NAV2: variants seen among roughly 807,000 people sequenced by gnomAD.
NAV2 encodes the protein helicase, APC down-regulated 1.
Under a neutral mutation model 223.2 loss-of-function variants are expected in NAV2, and 54 were observed. That is an observed-to-expected ratio of 0.24 (90% CI 0.19 to 0.30). The LOEUF is 0.30. NAV2 is among the 10% of genes least tolerant of loss of function. The pLI is 1.00. For missense variants in NAV2, 2,806 were observed against 3,147.5 expected, an observed-to-expected ratio of 0.89 and a Z score of 2.60; for synonymous variants, 1,279 against 1,239.3, an observed-to-expected ratio of 1.03 and a Z score of -0.67.
At chr11:19,589,218 A>G (rs572996905) in intron 1 of NAV2, among the ~76,000 whole-genome samples, 1 of 152,352 alleles carries the variant, frequency 6.6e-6, no homozygotes, top group Non-Finnish European at 1.5e-5. Context: ...GAATTTCAGG[A>G]AGACAAAAAA....
At chr11:19,473,373 A>T (rs1160615758) in intron 1 of NAV2, among the ~76,000 whole-genome samples, 1 of 152,132 alleles carries the variant, frequency 6.6e-6, no homozygotes, top group East Asian at 1.9e-4. Flanking sequence ...GAGGCTTGGT[A>T]GTATCATAAT....
At position 19,880,007 on chromosome 11, in the gene NAV2, C is replaced by T; in HGVS notation, c.650C>T (p.Pro217Leu). The T allele has an allele frequency of 2.5e-6, 4 of 1,613,836 alleles. No homozygotes were observed. Among genetic ancestry groups the T allele is most frequent in the Non-Finnish European group, 3.4e-6 (4 of 1,179,868 alleles). The change falls in exon 5 of 38, where the codon CCC becomes CTC. Residue 217 changes from proline to leucine, a missense_variant. Pro to Leu is a moderately conservative substitution (Grantham distance 98). Coordinates refer to ENST00000349880, the MANE Select transcript of NAV2 (RefSeq NM_145117.5). ...PPAVSQVAGA[P>L]SQCQAGTPQQ... ...GCCGTATCCCAGGTGGCCGGGGCCC[C>T]CTCCCAGTGCCAGGCTGGCACCCCT...
chr11:19,994,345 G>A (rs866156043), intron 11 of NAV2, among the ~76,000 whole-genome samples: 9 of 152,172 alleles, frequency 5.9e-5, no homozygotes, highest in South Asian at 2.1e-4. Context: ...TCAGGAGTTC[G>A]AGGCTAGCCT....
chr11:19,416,046 GC>G (rs1850353705), intron 1 of NAV2, among the ~76,000 whole-genome samples: 2 of 152,182 alleles, frequency 1.3e-5, no homozygotes, highest in African/African-American at 4.8e-5. Flanking sequence ...AGACAAGTAT[GC>G]CCTCTCTCAC....
chr11:19,438,302 A>C (rs961447719), intron 1 of NAV2, among the ~76,000 whole-genome samples: 2 of 152,220 alleles, frequency 1.3e-5, no homozygotes, highest in Non-Finnish European at 2.9e-5. Context: ...GCTTCCGAAG[A>C]TTAAGTAGCA....
Position 19,933,086 on chromosome 11 carries a change from T to G in NAV2, c.932-90T>G. On this transcript the variant is annotated intron_variant, in intron 6 of 37. Coordinates refer to ENST00000349880, the MANE Select transcript of NAV2 (RefSeq NM_145117.5). The surrounding 1 kb of genome is among the most constrained non-coding windows in gnomAD (Gnocchi z 4.3). ...AGCTATACGGCATTTGGGTTGGGAGTGATTGGTTGTGTGGCCATGGCTGAC... is the reference window on the plus strand; with the variant it reads ...AGCTATACGGCATTTGGGTTGGGAGGGATTGGTTGTGTGGCCATGGCTGAC... 2.1e-6 allele frequency: 3 copies of G among 1,402,216 alleles called. No individual in the cohort carries two copies. Among genetic ancestry groups the G allele is most frequent in the South Asian group, 1.9e-5 (1 of 52,684 alleles). The allele number at this position is 1,402,216 out of a possible 1,614,324, so 86.9% of individuals were successfully genotyped here. A position where few individuals can be genotyped will look rare whatever the true frequency, so the allele number is the denominator to read the frequency against.
chr11:19,583,826 G>A (rs992450216), intron 1 of NAV2, among the ~76,000 whole-genome samples: 7 of 152,182 alleles, frequency 4.6e-5, no homozygotes, highest in African/African-American at 1.7e-4. Flanking sequence ...AGGGATATTG[G>A]TCTAAAATTC....
intron 22 of NAV2, among the ~76,000 whole-genome samples, chr11:20,070,705 A>C (rs1275171193): frequency 6.6e-6 from 1 of 152,126 alleles, no homozygotes. Context: ...GAGTGTTTTT[A>C]TACCACTTGT....
At chr11:19,562,251 C>T (rs548383771) in intron 1 of NAV2, among the ~76,000 whole-genome samples, 2 of 152,290 alleles carry the variant, frequency 1.3e-5, no homozygotes, top group South Asian at 2.1e-4. Context: ...TATAGAAAGA[C>T]GGCACCTGCC....
intron 1 of NAV2, among the ~76,000 whole-genome samples, chr11:19,830,834 G>A (rs1590781024): frequency 1.3e-5 from 2 of 152,080 alleles, no homozygotes; most frequent in African/African-American, 2.4e-5. Flanking sequence ...CATTACAAAG[G>A]TGATGGGGTC....
intron 1 of NAV2, among the ~76,000 whole-genome samples, chr11:19,489,120 G>A (rs769378548): frequency 6.6e-6 from 1 of 152,206 alleles, no homozygotes; most frequent in Non-Finnish European, 1.5e-5. Flanking sequence ...GTATCCAGAA[G>A]GTTCCCTTTA....
At chr11:19,984,039 G>A in intron 10 of NAV2, 86 bp from the exon 11 acceptor site, 2 of 1,572,860 alleles carry the variant, frequency 1.3e-6, no homozygotes, top group East Asian at 2.3e-5. Flanking sequence ...GCACTTGGCG[G>A]CTGTACAGGC....
chr11:19,866,247 C>T (rs976732391), intron 3 of NAV2, among the ~76,000 whole-genome samples: 4 of 152,178 alleles, frequency 2.6e-5, no homozygotes, highest in Non-Finnish European at 5.9e-5. Context: ...CTGTACTGTG[C>T]ATTGTAGGAT....
At chr11:20,082,849 C>T in intron 25 of NAV2, 158 bp from the exon 26 acceptor site, 1 of 752,888 alleles carries the variant, frequency 1.3e-6, no homozygotes, top group Non-Finnish European at 2.2e-6. Flanking sequence ...CTCTTCCTCC[C>T]TTAATGCACT....
At chr11:20,047,206 T>C (rs975315409) in intron 14 of NAV2, among the ~76,000 whole-genome samples, 2 of 152,242 alleles carry the variant, frequency 1.3e-5, no homozygotes, top group African/African-American at 4.8e-5. Flanking sequence ...TTTCCTTTAC[T>C]AACTACAAAG....
At chr11:19,626,206 T>C (rs1285829737) in intron 1 of NAV2, among the ~76,000 whole-genome samples, 1 of 152,230 alleles carries the variant, frequency 6.6e-6, no homozygotes, top group Non-Finnish European at 1.5e-5. Flanking sequence ...GAGTTGATTT[T>C]AGTATAGGAT....
At chr11:20,045,815 T>A in intron 14 of NAV2, 145 bp downstream of exon 14, 2 of 685,928 alleles carry the variant, frequency 2.9e-6, no homozygotes, top group Non-Finnish European at 4.8e-6. Context: ...GGCCGGCAGT[T>A]TTGCAGTTGA....
chr11:20,045,483 G>A lies in NAV2; in HGVS notation c.3715G>A (p.Gly1239Ser). 6.2e-7 allele frequency: 1 copy of A among 1,614,134 alleles called. No homozygotes were observed. The highest frequency in any genetic ancestry group is 1.1e-5 in the South Asian group (1 of 91,080). Residue 1239 changes from glycine to serine, a missense_variant, in exon 14 of 38, where the codon GGC becomes AGC. Gly to Ser is a moderately conservative substitution (Grantham distance 56). Transcript: ENST00000349880. Reference sequence around the variant, plus strand: ...GAGGGAGCCTTCCAAAACAGCCCTAGGCAGCTCTCTACCAGGTCTGGTCAA... The same window carrying A: ...GAGGGAGCCTTCCAAAACAGCCCTAAGCAGCTCTCTACCAGGTCTGGTCAA... ...KLREPSKTAL[G>S]SSLPGLVNQT...
intron 1 of NAV2, among the ~76,000 whole-genome samples, chr11:19,818,164 G>A (rs984724652): frequency 1.3e-5 from 2 of 151,776 alleles, no homozygotes; most frequent in Non-Finnish European, 2.9e-5. Flanking sequence ...TTTGGGGGAG[G>A]GGTAGGGGTA....
Sources: allele counts gnomAD v4.1 joint callset (sites outside exome capture counted in the v4.1 genomes callset), GRCh38; gene constraint gnomAD v4.1.1; non-coding constraint Gnocchi (gnomAD v3.1); transcripts MANE v1.5; gene names NCBI Gene and HGNC (gene_info 2026-07-23, HGNC 2026-07-21).